Variants in INSYN2B observed in about 807,000 individuals in gnomAD.
INSYN2B encodes the protein protein INSYN2B.
A neutral mutation model predicts 41.2 loss-of-function variants in INSYN2B; 16 were observed. That is an observed-to-expected ratio of 0.39 (90% CI 0.26 to 0.59). The LOEUF (loss-of-function observed/expected upper bound fraction) is 0.59, where lower values mean the gene tolerates loss of function less well. Among genes scored for constraint, INSYN2B ranks in the 20% least tolerant of loss-of-function variants. The pLI is 0.57. For missense variants in INSYN2B, 608 were observed against 646.4 expected (o/e 0.94, Z 0.64); for synonymous variants, 245 against 244.4 (o/e 1.00, Z -0.02).
chr5:169,920,930 T>A (rs1775139849), intron 1 of INSYN2B, among the ~76,000 whole-genome samples: 1 of 152,156 alleles, frequency 6.6e-6, no homozygotes, highest in African/African-American at 2.4e-5. Context: ...TGTCAAAAAA[T>A]ATAGTTAAAC....
chr5:169,864,139 T>C lies in INSYN2B; in HGVS notation c.*134A>G. On this transcript the variant is annotated 3_prime_UTR_variant, in exon 4 of 4. Transcript: ENST00000377365. ...GCAGCGGCTACATCAGCTCCAAGGC[T>C]CTTCTGTTTCACAGGCCAAGGGGCT... 1.3e-6 allele frequency: 1 copy of C among 769,352 alleles called. No homozygotes were observed. The highest frequency in any genetic ancestry group is 2.1e-6 in the Non-Finnish European group (1 of 477,774). 47.7% of individuals were successfully genotyped at this position (769,352 alleles called of 1,614,324 possible).
chr5:169,932,419 G>A (rs1228541545), intron 1 of INSYN2B, among the ~76,000 whole-genome samples: 4 of 152,198 alleles, frequency 2.6e-5, no homozygotes, highest in Admixed American at 2.6e-4. Flanking sequence ...GAGAGAATGG[G>A]GAAGGAAGAT....
chr5:169,976,381 A>G (rs2338809), intron 1 of INSYN2B, among the ~76,000 whole-genome samples: 120,700 of 152,104 alleles, frequency 0.79, 48,609 homozygotes, highest in African/African-American at 0.95. Flanking sequence ...GTATAAAATG[A>G]GCATGAAGCT....
chr5:169,928,026 A>AT (rs926247469), intron 1 of INSYN2B, among the ~76,000 whole-genome samples: 4 of 152,080 alleles, frequency 2.6e-5, no homozygotes, highest in African/African-American at 4.8e-5. Flanking sequence ...GTGTGTATGC[A>AT]TTTTTTCTTA....
intron 1 of INSYN2B, among the ~76,000 whole-genome samples, chr5:169,905,296 T>G (rs1561812093): frequency 6.7e-6 from 1 of 149,712 alleles, no homozygotes; most frequent in Non-Finnish European, 1.5e-5. Context: ...AGCCAGTGTT[T>G]TTTTTTTTTT....
chr5:169,929,921 A>G (rs1480962885), intron 1 of INSYN2B, among the ~76,000 whole-genome samples: 1 of 152,196 alleles, frequency 6.6e-6, no homozygotes, highest in East Asian at 1.9e-4. Flanking sequence ...ACATATGCAT[A>G]TTAAACATAT....
chr5:169,902,175 G>A (rs1773965226), intron 1 of INSYN2B, among the ~76,000 whole-genome samples: 1 of 152,224 alleles, frequency 6.6e-6, no homozygotes, highest in Admixed American at 6.5e-5. Context: ...AAGTCCAGGA[G>A]GGGAATAACC....
chr5:169,900,410 A>G (rs1386830817), intron 1 of INSYN2B, among the ~76,000 whole-genome samples: 2 of 152,206 alleles, frequency 1.3e-5, no homozygotes, highest in Non-Finnish European at 2.9e-5. Context: ...TTCCTTCCAC[A>G]TAAACTTAAT....
At chr5:169,904,446 C>T (rs261049) in intron 1 of INSYN2B, among the ~76,000 whole-genome samples, 2 of 151,908 alleles carry the variant, frequency 1.3e-5, no homozygotes, top group Non-Finnish European at 2.9e-5. Context: ...TCCAAAGTCT[C>T]ACTTCTGGGC....
chr5:169,956,957 A>G (rs898250460), intron 1 of INSYN2B, among the ~76,000 whole-genome samples: 6 of 152,084 alleles, frequency 3.9e-5, no homozygotes, highest in African/African-American at 1.4e-4. Context: ...TTCCTTGAGT[A>G]TGTCTCAATC....
rs1158112354 is a variant in INSYN2B, at chr5:169,883,418, G to A, written c.481C>T (p.Pro161Ser). 20 of 1,551,536 alleles carry A rather than the reference G, an allele frequency of 1.3e-5. No individual in the cohort carries two copies. Among genetic ancestry groups the A allele is most frequent in the Non-Finnish European group, 1.7e-5 (20 of 1,146,968 alleles). The change falls in exon 2 of 4, where the codon CCT (proline) becomes TCT (serine). Residue 161 changes from proline to serine, a missense_variant. Transcript: ENST00000377365. ...GCATGGGACACCTTGACCCTTCGAGGCCCATCCTCAAGATGCTGAGCCAAC... is the reference window on the plus strand; with the variant it reads ...GCATGGGACACCTTGACCCTTCGAGACCCATCCTCAAGATGCTGAGCCAAC... The part of the protein sequence containing the change: ...LRLAQHLEDG[P>S]RRVKVSHAFL...
chr5:169,937,082 A>T (rs939030670), intron 1 of INSYN2B, among the ~76,000 whole-genome samples: 58 of 152,032 alleles, frequency 3.8e-4, no homozygotes, highest in African/African-American at 1.4e-3. Context: ...TTGGTAGGTG[A>T]CTCCTTCAAC....
intron 1 of INSYN2B, among the ~76,000 whole-genome samples, chr5:169,963,827 C>T (rs972661251): frequency 3.9e-5 from 6 of 152,094 alleles, no homozygotes; most frequent in East Asian, 3.9e-4. Flanking sequence ...GCAGAGTCCC[C>T]GGGAAGGCTG....
rs1407824272 is a variant in INSYN2B, at chr5:169,883,116, G to A, written c.783C>T (p.Ala261=). Reference sequence around the variant, plus strand: ...CTGGTGTGTGGCTGGCAACGCTGGTGGCATTTAAGCAGGAGGTGGATTTTT... The same window carrying A: ...CTGGTGTGTGGCTGGCAACGCTGGTAGCATTTAAGCAGGAGGTGGATTTTT... The part of the protein sequence containing the change: ...DSEKSTSCLN[A]TSVASHTPGT... The change falls in exon 2 of 4, where the codon GCC becomes GCT. Residue 261 remains alanine (A), a synonymous_variant. Coordinates refer to ENST00000377365, the MANE Select transcript of INSYN2B (RefSeq NM_001129891.3). 1.3e-6 allele frequency: 2 copies of A among 1,551,476 alleles called. No homozygotes were observed. Among genetic ancestry groups the A allele is most frequent in the African/African-American group, 2.7e-5 (2 of 73,028 alleles).
Position 169,883,665 on chromosome 5 carries a change from G to A in INSYN2B, c.234C>T (p.Thr78=). ...TQATRHHLPP[T]YSLSFPRSQK... ...GGGACCTGGGGAAGGAGAGCGAGTA[G>A]GTGGGGGGAAGATGGTGCCTGGTTG... The change falls in exon 2 of 4, where the codon ACC becomes ACT. Residue 78 remains threonine (T), a synonymous_variant. Coordinates refer to ENST00000377365, the MANE Select transcript of INSYN2B (RefSeq NM_001129891.3). 4.5e-6 allele frequency: 7 copies of A among 1,551,118 alleles called. No individual in the cohort carries two copies. The highest frequency in any genetic ancestry group is 6.1e-6 in the Non-Finnish European group (7 of 1,146,648).
chr5:169,928,503 A>G (rs781125670), intron 1 of INSYN2B, among the ~76,000 whole-genome samples: 2 of 152,212 alleles, frequency 1.3e-5, no homozygotes, highest in Non-Finnish European at 2.9e-5. Flanking sequence ...CTGAGAGTGA[A>G]TCCAAGTTAC....
At chr5:169,873,883 T>G (rs539041133) in intron 3 of INSYN2B, among the ~76,000 whole-genome samples, 42 of 152,174 alleles carry the variant, frequency 2.8e-4, no homozygotes, top group African/African-American at 9.6e-4. Context: ...CTCAGTGATG[T>G]GAAGCCCTTG....
chr5:169,967,201 A>G (rs765619152), intron 1 of INSYN2B, among the ~76,000 whole-genome samples: 8 of 152,250 alleles, frequency 5.3e-5, no homozygotes, highest in Non-Finnish European at 4.4e-5. Flanking sequence ...TGATATGCAC[A>G]GGGACATGAG....
At chr5:169,921,787 G>A (rs33371) in intron 1 of INSYN2B, among the ~76,000 whole-genome samples, 111,354 of 152,052 alleles carry the variant, frequency 0.73, 41,330 homozygotes, top group African/African-American at 0.84. Flanking sequence ...AAGCAGTGTT[G>A]TGACAGTCTT....
Sources: gnomAD v4.1 joint callset for allele counts (sites outside exome capture counted in the v4.1 genomes callset) on GRCh38, gnomAD v4.1.1 for gene constraint, MANE v1.5 for transcripts, NCBI Gene and HGNC (gene_info 2026-07-23, HGNC 2026-07-21) for gene names.